The following PITPNC1 variants were observed in gnomAD, a reference collection of about 807,000 sequenced individuals.
The protein encoded by PITPNC1 is phosphatidylinositol transfer protein cytoplasmic 1, also known as cytoplasmic phosphatidylinositol transfer protein 1.
In PITPNC1, 18 loss-of-function variants were observed where a neutral mutation model predicts 44.7. The ratio of observed to expected loss-of-function variants is 0.40; its 90% confidence interval spans 0.28 to 0.60. The LOEUF is 0.60. Among genes scored for constraint, PITPNC1 ranks in the 20% least tolerant of loss-of-function variants. The pLI is 0.39. For missense variants in PITPNC1, 290 were observed against 418.4 expected, an observed-to-expected ratio of 0.69 and a Z score of 2.68; for synonymous variants, 141 against 149.6, an observed-to-expected ratio of 0.94 and a Z score of 0.42.
At chr17:67,411,150 T>A (rs1206726088) in intron 1 of PITPNC1, among the ~76,000 whole-genome samples, 1 of 151,878 alleles carries the variant, frequency 6.6e-6, no homozygotes, top group African/African-American at 2.4e-5. Flanking sequence ...TGCTTCCTTT[T>A]CTTGGTACCC....
rs1160522771 is a variant in PITPNC1, at chr17:67,425,193, G to GCGCGCGCGCGCACACACACACACACA, written c.48+46992_48+46993insGCGCGCGCGCACACACACACACACAC. On this transcript the variant is annotated intron_variant, in intron 1 of 8. Transcript: ENST00000581322. The stretch of plus-strand genomic sequence containing the variant: ...AAATAAACAGCCATGTTGTGCGCGC[G>GCGCGCGCGCGCACACACACACACACA]CACGCACACGCACACACACACACAC... 3.8e-4 allele frequency among the ~76,000 whole-genome samples: 20 copies of GCGCGCGCGCGCACACACACACACACA among 52,118 alleles called. 2 individuals are homozygous for GCGCGCGCGCGCACACACACACACACA. Among genetic ancestry groups the GCGCGCGCGCGCACACACACACACACA allele is most frequent in the Admixed American group, 2.2e-3 (11 of 4,982 alleles). The allele number at this position is 52,118 out of a possible 152,430, so 34.2% of individuals were successfully genotyped here. A position where few individuals can be genotyped will look rare whatever the true frequency, so the allele number is the denominator to read the frequency against.
chr17:67,421,630 G>A (rs935060916), intron 1 of PITPNC1, among the ~76,000 whole-genome samples: 9 of 152,082 alleles, frequency 5.9e-5, no homozygotes, highest in Admixed American at 2.0e-4. Context: ...AAGTCTTCAC[G>A]GTGTGGTGTT....
At chr17:67,489,070 C>A (rs370335329) in intron 1 of PITPNC1, among the ~76,000 whole-genome samples, 2 of 152,178 alleles carry the variant, frequency 1.3e-5, no homozygotes, top group Admixed American at 1.3e-4. Context: ...TATACAAATA[C>A]CTGTTTGAGC....
intron 1 of PITPNC1, among the ~76,000 whole-genome samples, chr17:67,461,606 G>T (rs749207907): frequency 1.3e-5 from 2 of 152,190 alleles, no homozygotes; most frequent in Non-Finnish European, 2.9e-5. Flanking sequence ...GCAACACCCA[G>T]ATATCCAAGA....
intron 4 of PITPNC1, among the ~76,000 whole-genome samples, chr17:67,573,369 G>A (rs1026963911): frequency 1.3e-5 from 2 of 152,122 alleles, no homozygotes; most frequent in Admixed American, 6.5e-5. Context: ...GGGATCTCCT[G>A]TAGGGAAGGA....
At chr17:67,579,658 C>A (rs2041201490) in intron 5 of PITPNC1, among the ~76,000 whole-genome samples, 1 of 132,264 alleles carries the variant, frequency 7.6e-6, no homozygotes, top group African/African-American at 2.9e-5. Context: ...TAGAAAGCAG[C>A]CTGGGCGCGG....
chr17:67,628,120 C>T (rs2041917931), intron 5 of PITPNC1, among the ~76,000 whole-genome samples: 2 of 152,018 alleles, frequency 1.3e-5, no homozygotes, highest in Admixed American at 6.6e-5. Flanking sequence ...CCAAGCTGGT[C>T]TCGAACTCCT....
At chr17:67,582,179 A>G (rs954639682) in intron 5 of PITPNC1, among the ~76,000 whole-genome samples, 2 of 152,228 alleles carry the variant, frequency 1.3e-5, no homozygotes, top group Non-Finnish European at 2.9e-5. Flanking sequence ...CAGGGATTCA[A>G]AACTGGTGTT....
intron 1 of PITPNC1, among the ~76,000 whole-genome samples, chr17:67,381,557 C>T (rs549539620): frequency 4.6e-5 from 7 of 151,370 alleles, no homozygotes; most frequent in Non-Finnish European, 7.4e-5. Flanking sequence ...AGGTCCACCT[C>T]CCGGGTTCAC....
At position 67,466,150 on chromosome 17, in the gene PITPNC1, G is replaced by T. The variant is rs1217903876; in HGVS notation, c.49-66652G>T. Among the ~76,000 whole-genome samples the T allele has an allele frequency of 5.5e-5, 7 of 126,890 alleles. No individual in the cohort carries two copies. In the East Asian group the frequency reaches 1.7e-3, roughly 32 times the overall value. 83.2% of individuals were successfully genotyped at this position (126,890 alleles called of 152,430 possible). On this transcript the variant is annotated intron_variant, in intron 1 of 8. Transcript: ENST00000581322. ...TGAGTAGCTGGGACTACAGGCACAC[G>T]CCCAAATGCATAACTAATTTTTAAA...
chr17:67,662,338 C>T (rs1344681116), intron 6 of PITPNC1, among the ~76,000 whole-genome samples: 1 of 151,926 alleles, frequency 6.6e-6, no homozygotes, highest in Non-Finnish European at 1.5e-5. Context: ...CCTGTAATCC[C>T]AGCTACTTGG....
chr17:67,425,776 A>G (rs2038756165), intron 1 of PITPNC1, among the ~76,000 whole-genome samples: 1 of 151,930 alleles, frequency 6.6e-6, no homozygotes, highest in East Asian at 1.9e-4. Flanking sequence ...TGATCCTTTC[A>G]CCTCAGCCTC....
chr17:67,472,945 G>T (rs1015926293), intron 1 of PITPNC1, among the ~76,000 whole-genome samples: 3 of 151,164 alleles, frequency 2.0e-5, no homozygotes, highest in African/African-American at 7.3e-5. Flanking sequence ...GCCTGATCTC[G>T]GCTCACTGCA....
rs1365880850 is a variant in PITPNC1, at chr17:67,508,739, AGGTAGAAT to A, written c.49-24059_49-24052del. On this transcript the variant is annotated intron_variant, in intron 1 of 8. Coordinates refer to ENST00000581322, the MANE Select transcript of PITPNC1 (RefSeq NM_012417.4). The surrounding 1 kb of genome is among the most constrained non-coding windows in gnomAD (Gnocchi z 4.2). ...CAAGAGGCAAATTCATAGAGTCAGAAGGTAGAATGGTGGTTGCCAGGGGCCAGAGGGGA... is the reference window on the plus strand; with the variant it reads ...CAAGAGGCAAATTCATAGAGTCAGAAGGTGGTTGCCAGGGGCCAGAGGGGA... Among the ~76,000 whole-genome samples, 1 of 152,118 alleles carries A rather than the reference AGGTAGAAT, an allele frequency of 6.6e-6. No individual in the cohort carries two copies. The highest frequency in any genetic ancestry group is 1.5e-5 in the Non-Finnish European group (1 of 68,024).
chr17:67,475,575 G>A (rs759689085), intron 1 of PITPNC1, among the ~76,000 whole-genome samples: 5 of 152,226 alleles, frequency 3.3e-5, no homozygotes, highest in Admixed American at 6.5e-5. Flanking sequence ...TCGTACAGCC[G>A]CTGATGCCAT....
intron 8 of PITPNC1, among the ~76,000 whole-genome samples, chr17:67,687,995 A>G (rs1031863735): frequency 4.7e-5 from 7 of 150,206 alleles, no homozygotes; most frequent in African/African-American, 1.7e-4. Context: ...TTGAGTCCTC[A>G]TGTCCATTAG....
At chr17:67,622,537 A>G (rs1366821346) in intron 5 of PITPNC1, among the ~76,000 whole-genome samples, 1 of 132,556 alleles carries the variant, frequency 7.5e-6, no homozygotes, top group Non-Finnish European at 1.6e-5. Context: ...TTTTTTTTAC[A>G]GCCATTAGTG....
chr17:67,437,653 A>C (rs1327749155), intron 1 of PITPNC1, among the ~76,000 whole-genome samples: 1 of 152,180 alleles, frequency 6.6e-6, no homozygotes, highest in African/African-American at 2.4e-5. Flanking sequence ...CTCATCAGGA[A>C]GACTGGCCAT....
At chr17:67,468,486 C>T (rs2039461651) in intron 1 of PITPNC1, among the ~76,000 whole-genome samples, 1 of 148,448 alleles carries the variant, frequency 6.7e-6, no homozygotes, top group Non-Finnish European at 1.5e-5. Flanking sequence ...ACTGCAAGCT[C>T]TGCCTCCCAG....
Sources: allele counts gnomAD v4.1 joint callset (sites outside exome capture counted in the v4.1 genomes callset), GRCh38; gene constraint gnomAD v4.1.1; non-coding constraint Gnocchi (gnomAD v3.1); transcripts MANE v1.5; gene names NCBI Gene and HGNC (gene_info 2026-07-23, HGNC 2026-07-21).